SAMD5: variants seen among roughly 807,000 people sequenced by gnomAD.
SAMD5 encodes the protein sterile alpha motif domain containing 5, also known as sterile alpha motif domain-containing protein 5.
A neutral mutation model predicts 11.3 loss-of-function variants in SAMD5; 13 were observed. The observed-to-expected ratio is 1.15, with a 90% CI of 0.75 to 1.83. The LOEUF (loss-of-function observed/expected upper bound fraction) is 1.83. Among genes scored for constraint, SAMD5 ranks in the 40% most tolerant of loss-of-function variants. The probability of loss-of-function intolerance (pLI) is 0.00; values close to 1 mark genes in which losing one functional copy is unlikely to be tolerated. For synonymous variants in SAMD5, 129 were observed against 111.3 expected (o/e 1.16, Z -1.00); for missense variants, 255 against 239.1 (o/e 1.07, Z -0.44).
chr6:147,567,987 T>C lies in SAMD5; in HGVS notation c.*3531T>C, dbSNP rs1789070496. ...CCAGCAGTTTTCAAGTCTGGGGAAA[T>C]AGGCACATGGACAGATTATATGAAG... On this transcript the variant is annotated 3_prime_UTR_variant, in exon 2 of 2. Coordinates refer to ENST00000367474, the MANE Select transcript of SAMD5 (RefSeq NM_001030060.3). 11 of 985,386 alleles carry C rather than the reference T, an allele frequency of 1.1e-5. No individual in the cohort carries two copies. In the South Asian group the frequency reaches 5.2e-4, roughly 46 times the overall value. The allele number at this position is 985,386 out of a possible 1,614,324, so 61.0% of individuals were successfully genotyped here. A position where few individuals can be genotyped will look rare whatever the true frequency, so the allele number is the denominator to read the frequency against.
At chr6:147,814,235 T>C in the SAMD5 span, among the ~76,000 whole-genome samples, 1 of 152,164 alleles carries the variant, frequency 6.6e-6, no homozygotes, top group Admixed American at 6.5e-5. Flanking sequence ...GAATCTAGGG[T>C]TTTGTTTTTT....
At chr6:147,625,712 A>T (rs4896930) in intron 1 of SAMD5, among the ~76,000 whole-genome samples, 1 of 151,312 alleles carries the variant, frequency 6.6e-6, no homozygotes, top group Non-Finnish European at 1.5e-5. Context: ...GTTAAAAGAA[A>T]ACACATACAC....
intron 1 of SAMD5, among the ~76,000 whole-genome samples, chr6:147,683,419 A>G (rs915347010): frequency 1.6e-4 from 25 of 152,230 alleles, no homozygotes; most frequent in African/African-American, 6.0e-4. Context: ...TGTATTAGGA[A>G]TTAAAATGCA....
the SAMD5 span, among the ~76,000 whole-genome samples, chr6:147,790,977 G>A: frequency 3.3e-5 from 5 of 152,004 alleles, no homozygotes; most frequent in African/African-American, 1.2e-4. Context: ...AAACATCCGA[G>A]ATGTCCTTTC....
the SAMD5 span, among the ~76,000 whole-genome samples, chr6:147,893,991 A>G: frequency 6.6e-6 from 1 of 152,150 alleles, no homozygotes; most frequent in African/African-American, 2.4e-5. Flanking sequence ...CTTCCAAAGC[A>G]TCATTTCAAA....
At chr6:147,906,586 G>A in the SAMD5 span, among the ~76,000 whole-genome samples, 1 of 152,192 alleles carries the variant, frequency 6.6e-6, no homozygotes, top group Non-Finnish European at 1.5e-5. Flanking sequence ...CCCTGTTGAT[G>A]CTTAGTCAGC....
At chr6:147,636,045 G>A (rs560571592) in intron 1 of SAMD5, among the ~76,000 whole-genome samples, 1 of 152,158 alleles carries the variant, frequency 6.6e-6, no homozygotes, top group Non-Finnish European at 1.5e-5. Flanking sequence ...TCTGTACCAT[G>A]TGCCAGTTAC....
the SAMD5 span, among the ~76,000 whole-genome samples, chr6:147,790,039 G>C: frequency 1.3e-5 from 2 of 152,206 alleles, no homozygotes; most frequent in Non-Finnish European, 2.9e-5. Context: ...AAAGTGAACA[G>C]AGAGTAGCCG....
At chr6:147,664,422 C>T (rs1367258475) in intron 1 of SAMD5, among the ~76,000 whole-genome samples, 8 of 152,002 alleles carry the variant, frequency 5.3e-5, no homozygotes, top group Admixed American at 2.0e-4. Flanking sequence ...TTTTAAGGTC[C>T]GGGTACTTTG....
chr6:147,656,318 C>T (rs1790565717), intron 1 of SAMD5, among the ~76,000 whole-genome samples: 3 of 152,074 alleles, frequency 2.0e-5, no homozygotes, highest in African/African-American at 7.2e-5. Context: ...TACAACAAAG[C>T]AAAAGATAAA....
chr6:147,669,645 T>A (rs1790770441), intron 1 of SAMD5, among the ~76,000 whole-genome samples: 1 of 151,714 alleles, frequency 6.6e-6, no homozygotes, highest in Non-Finnish European at 1.5e-5. Flanking sequence ...TGGCCACACT[T>A]GTCTCGAACA....
chr6:147,666,690 A>G (rs968877308), intron 1 of SAMD5, among the ~76,000 whole-genome samples: 6 of 152,208 alleles, frequency 3.9e-5, no homozygotes, highest in Non-Finnish European at 8.8e-5. Context: ...ATTTGATTCA[A>G]AATGCCAAAT....
intron 1 of SAMD5, among the ~76,000 whole-genome samples, chr6:147,701,143 G>A (rs969281723): frequency 1.2e-4 from 19 of 152,090 alleles, no homozygotes; most frequent in South Asian, 2.1e-4. Context: ...ATAAACAGCC[G>A]TTATTTGAGG....
the SAMD5 span, among the ~76,000 whole-genome samples, chr6:147,811,086 C>T: frequency 2.9e-4 from 44 of 152,204 alleles, 1 homozygote; most frequent in Admixed American, 2.7e-3. Context: ...ATAATAATAA[C>T]ACCCACCTGT....
At chr6:147,610,290 A>G (rs181735856) in intron 1 of SAMD5, among the ~76,000 whole-genome samples, 226 of 152,192 alleles carry the variant, frequency 1.5e-3, no homozygotes, top group Middle Eastern at 6.8e-3. Flanking sequence ...TAACTGATCT[A>G]CCCCATTGAT....
At chr6:147,926,525 G>GTT in the SAMD5 span, among the ~76,000 whole-genome samples, 94 of 150,456 alleles carry the variant, frequency 6.2e-4, no homozygotes, top group African/African-American at 2.1e-3. Context: ...ACTTTTTAAT[G>GTT]TTTTTTTTTC....
At chr6:147,686,611 T>C (rs1791014845) in intron 1 of SAMD5, among the ~76,000 whole-genome samples, 1 of 152,200 alleles carries the variant, frequency 6.6e-6, no homozygotes, top group Non-Finnish European at 1.5e-5. Context: ...TTCTGGTTCC[T>C]TTATACTGTT....
chr6:147,512,177 C>T (rs1184271123), intron 1 of SAMD5, among the ~76,000 whole-genome samples: 11 of 152,240 alleles, frequency 7.2e-5, no homozygotes, highest in African/African-American at 2.2e-4. Context: ...AGGCTCATCT[C>T]GAACTCCTGG....
chr6:147,869,307 G>A, the SAMD5 span, among the ~76,000 whole-genome samples: 1 of 152,168 alleles, frequency 6.6e-6, no homozygotes, highest in African/African-American at 2.4e-5. Flanking sequence ...CTTTCTGAAG[G>A]GCATTTCTCT....
Sources: gnomAD v4.1 joint callset for allele counts (sites outside exome capture counted in the v4.1 genomes callset) on GRCh38, gnomAD v4.1.1 for gene constraint, MANE v1.5 for transcripts, NCBI Gene and HGNC (gene_info 2026-07-23, HGNC 2026-07-21) for gene names.